The following TENM4 variants were observed in gnomAD, a reference collection of about 807,000 sequenced individuals.
TENM4 encodes teneurin transmembrane protein 4.
TENM4 carries 82 observed loss-of-function variants against 243.3 expected under a neutral mutation model. The ratio of observed to expected loss-of-function variants is 0.34; its 90% CI spans 0.28 to 0.40. The LOEUF (loss-of-function observed/expected upper bound fraction) is 0.40. Among genes scored for constraint, TENM4 ranks in the 10% least tolerant of loss-of-function variants. TENM4 has a pLI of 1.00. For missense variants in TENM4, 3,138 were observed against 3,673.3 expected, an observed-to-expected ratio of 0.85 and a Z score of 3.77; for synonymous variants, 1,412 against 1,456.3, an observed-to-expected ratio of 0.97 and a Z score of 0.69.
intron 1 of TENM4, among the ~76,000 whole-genome samples, chr11:79,392,345 G>C (rs150889992): frequency 6.6e-6 from 1 of 152,342 alleles, no homozygotes; most frequent in Non-Finnish European, 1.5e-5. Context: ...AAATGGAACA[G>C]TTACTTCATT....
chr11:78,709,201 G>A (rs993203511), intron 26 of TENM4, among the ~76,000 whole-genome samples: 4 of 150,060 alleles, frequency 2.7e-5, no homozygotes, highest in African/African-American at 9.9e-5. Flanking sequence ...CTGACCTCAG[G>A]TGATCCACCC....
intron 16 of TENM4, among the ~76,000 whole-genome samples, chr11:78,781,255 T>C (rs1856832710): frequency 1.3e-5 from 2 of 152,224 alleles, no homozygotes; most frequent in Non-Finnish European, 2.9e-5. Flanking sequence ...CTTTGCATTA[T>C]GAAAGGTGGA....
At chr11:78,822,507 G>T (rs1249350583) in intron 12 of TENM4, among the ~76,000 whole-genome samples, 1 of 152,150 alleles carries the variant, frequency 6.6e-6, no homozygotes, top group Non-Finnish European at 1.5e-5. Flanking sequence ...GCTGAGAAAA[G>T]AATCGTCATG....
chr11:78,858,422 G>C (rs1356809370), intron 10 of TENM4, among the ~76,000 whole-genome samples: 1 of 152,162 alleles, frequency 6.6e-6, no homozygotes, highest in East Asian at 1.9e-4. Context: ...GACCTTGAGG[G>C]CCTCTGGTCA....
intron 17 of TENM4, among the ~76,000 whole-genome samples, chr11:78,776,359 C>T (rs1856740229): frequency 6.6e-6 from 1 of 152,218 alleles, no homozygotes; most frequent in Non-Finnish European, 1.5e-5. Flanking sequence ...TCATAACCCT[C>T]ATCACACTTT....
At chr11:79,271,201 A>G (rs1301748312) in intron 2 of TENM4, among the ~76,000 whole-genome samples, 1 of 152,210 alleles carries the variant, frequency 6.6e-6, no homozygotes, top group African/African-American at 2.4e-5. Context: ...CTGCAAGGGG[A>G]ACATTCAAAC....
At chr11:78,863,218 G>T in intron 9 of TENM4, 86 bp from the exon 10 acceptor site, 4 of 1,382,344 alleles carry the variant, frequency 2.9e-6, no homozygotes, top group East Asian at 2.6e-5. Context: ...TGGGCAGGGT[G>T]GGGGAACACA....
In TENM4 at chr11:78,864,614, A is replaced by G. The variant is rs113854124; in HGVS notation, c.1085-1482T>C. ...TCTCCAATAATGTTTGTGATCTAGC[A>G]CAAAATATCTGCTTAAATCCCATTT... On this transcript the variant is annotated intron_variant, in intron 9 of 33. Coordinates refer to ENST00000278550, the MANE Select transcript of TENM4 (RefSeq NM_001098816.3). Among the ~76,000 whole-genome samples the G allele has an allele frequency of 1.5e-3, 222 of 152,326 alleles. 2 individuals carry two copies. The highest frequency in any genetic ancestry group is 6.8e-3 in the Middle Eastern group (2 of 294).
chr11:78,857,332 A>T (rs2136211138), intron 10 of TENM4, among the ~76,000 whole-genome samples: 1 of 152,336 alleles, frequency 6.6e-6, no homozygotes, highest in African/African-American at 2.4e-5. Flanking sequence ...AAGAAAACAC[A>T]CTTTGGAACT....
chr11:78,674,814 G>T (rs938775804), intron 30 of TENM4, among the ~76,000 whole-genome samples: 1 of 152,064 alleles, frequency 6.6e-6, no homozygotes, highest in African/African-American at 2.4e-5. Context: ...GGTTCCAGTT[G>T]TGTGATATTG....
At chr11:78,892,848 G>A (rs1179355359) in intron 7 of TENM4, among the ~76,000 whole-genome samples, 1 of 152,330 alleles carries the variant, frequency 6.6e-6, no homozygotes, top group East Asian at 1.9e-4. Flanking sequence ...AGCCAAGCTG[G>A]AGCCTGGGGT....
intron 1 of TENM4, among the ~76,000 whole-genome samples, chr11:79,373,497 G>A (rs1037668884): frequency 4.6e-5 from 7 of 152,140 alleles, no homozygotes; most frequent in African/African-American, 1.7e-4. Flanking sequence ...TGGGTGGATA[G>A]GTGAATGAAT....
chr11:79,289,195 A>G (rs1217331142), intron 2 of TENM4, among the ~76,000 whole-genome samples: 1 of 152,224 alleles, frequency 6.6e-6, no homozygotes, highest in Non-Finnish European at 1.5e-5. Context: ...ATGTTTATCC[A>G]AAGTATTGTG....
intron 4 of TENM4, among the ~76,000 whole-genome samples, chr11:79,109,466 T>C (rs911850530): frequency 2.0e-5 from 3 of 152,058 alleles, no homozygotes; most frequent in African/African-American, 7.2e-5. Flanking sequence ...GGAGGCCTTC[T>C]AGCAAGCAGG....
At chr11:79,098,055 T>A (rs565539261) in intron 4 of TENM4, 1 of 152,150 alleles carries the variant, frequency 6.6e-6, no homozygotes, top group South Asian at 2.1e-4. Flanking sequence ...ATCCCATAAC[T>A]AATGAAGACT....
chr11:79,307,695 A>C (rs1172743372), intron 1 of TENM4, among the ~76,000 whole-genome samples: 5 of 150,604 alleles, frequency 3.3e-5, no homozygotes, highest in Non-Finnish European at 5.9e-5. Context: ...TTCCTCAAAC[A>C]CTCCATTCTG....
At chr11:78,936,549 A>C (rs1467858573) in intron 6 of TENM4, among the ~76,000 whole-genome samples, 1 of 152,212 alleles carries the variant, frequency 6.6e-6, no homozygotes, top group East Asian at 1.9e-4. Flanking sequence ...GGCCATCAGA[A>C]AGAGTATTTA....
At chr11:79,073,350 TG>T (rs1860463688) in intron 4 of TENM4, among the ~76,000 whole-genome samples, 2 of 152,346 alleles carry the variant, frequency 1.3e-5, no homozygotes, top group South Asian at 4.1e-4. Flanking sequence ...TTGTGCATGA[TG>T]TTTCATCACT....
intron 6 of TENM4, among the ~76,000 whole-genome samples, chr11:79,003,943 TAGCAAGCAGAA>T (rs1198643532): frequency 2.0e-5 from 3 of 148,266 alleles, no homozygotes; most frequent in African/African-American, 7.5e-5. Context: ...GAGAAAAATC[TAGCAAGCAGAA>T]AGCAAACAGA....
Sources: allele counts gnomAD v4.1 joint callset (sites outside exome capture counted in the v4.1 genomes callset), GRCh38; gene constraint gnomAD v4.1.1; transcripts MANE v1.5; gene names NCBI Gene and HGNC (gene_info 2026-07-23, HGNC 2026-07-21).